Variants in PRDM5 observed in about 807,000 individuals in gnomAD.
PRDM5 encodes PR domain zinc finger protein 5.
In PRDM5, 56 loss-of-function variants were observed where a neutral mutation model predicts 81.2. That is an observed-to-expected ratio of 0.69 (90% CI 0.56 to 0.86). The LOEUF is 0.86. Ranked by LOEUF, PRDM5 falls within the 40% of genes least tolerant of loss-of-function variation. PRDM5 has a pLI of 0.00. For missense variants in PRDM5, 697 were observed against 770.1 expected (o/e 0.91, Z 1.12); for synonymous variants, 267 against 256.4 (o/e 1.04, Z -0.39).
chr4:120,883,605 A>G (rs867387618), intron 2 of PRDM5, among the ~76,000 whole-genome samples: 62 of 134,660 alleles, frequency 4.6e-4, no homozygotes, highest in African/African-American at 1.8e-3. Flanking sequence ...GGGGGGAGGG[A>G]TAGCATTAGG....
intron 1 of PRDM5, among the ~76,000 whole-genome samples, chr4:120,909,208 C>T (rs986206182): frequency 6.6e-6 from 1 of 152,166 alleles, no homozygotes; most frequent in African/African-American, 2.4e-5. Flanking sequence ...GTGGAGTGCT[C>T]AGGCAACATC....
chr4:120,814,920 G>A (rs921186246), intron 7 of PRDM5, among the ~76,000 whole-genome samples: 2 of 152,138 alleles, frequency 1.3e-5, no homozygotes, highest in Non-Finnish European at 2.9e-5. Flanking sequence ...TTCCTTTTAT[G>A]AATTATTTCC....
rs575483125 is a variant in PRDM5 at position 120,730,042 on chromosome 4, G to A, written c.1624-19629C>T. Reference sequence around the variant, plus strand: ...CTAAAAGATTAGTTCATTCAATACGGAACATAATACTTTAGAACATCTTGA... The same window carrying A: ...CTAAAAGATTAGTTCATTCAATACGAAACATAATACTTTAGAACATCTTGA... On this transcript the variant is annotated intron_variant, in intron 14 of 15. Transcript: ENST00000264808. Among the ~76,000 whole-genome samples the A allele has an allele frequency of 2.6e-5, 4 of 152,294 alleles. No individual in the cohort carries two copies. In the East Asian group the frequency reaches 7.7e-4, roughly 29 times the overall value.
chr4:120,834,093 A>G (rs1757055077), intron 3 of PRDM5, among the ~76,000 whole-genome samples: 1 of 152,160 alleles, frequency 6.6e-6, no homozygotes, highest in Non-Finnish European at 1.5e-5. Context: ...AAGTAGCTTC[A>G]ACACGTGGAG....
chr4:120,758,257 G>A (rs1236032612), intron 13 of PRDM5, among the ~76,000 whole-genome samples: 3 of 151,872 alleles, frequency 2.0e-5, no homozygotes, highest in African/African-American at 7.3e-5. Flanking sequence ...TTTTTTCTCT[G>A]GAGAACCCTA....
intron 11 of PRDM5, among the ~76,000 whole-genome samples, chr4:120,781,840 C>A (rs1403696643): frequency 2.0e-5 from 3 of 152,178 alleles, no homozygotes; most frequent in Non-Finnish European, 4.4e-5. Context: ...AGTTACAATG[C>A]CCCTGCTTCC....
chr4:120,880,997 C>G (rs983094433), intron 2 of PRDM5, among the ~76,000 whole-genome samples: 1 of 152,154 alleles, frequency 6.6e-6, no homozygotes, highest in Admixed American at 6.5e-5. Flanking sequence ...TCAAATTGTT[C>G]TCCTGGTTTT....
downstream of PRDM5, among the ~76,000 whole-genome samples, chr4:120,689,040 C>A (rs1378281913): frequency 6.6e-6 from 1 of 152,132 alleles, no homozygotes; most frequent in Non-Finnish European, 1.5e-5. Flanking sequence ...CTGTGGTAAA[C>A]AACAAGTCAT....
intron 2 of PRDM5, chr4:120,896,716 C>T (rs552954962): frequency 6.6e-6 from 1 of 151,932 alleles, no homozygotes; most frequent in Non-Finnish European, 1.5e-5. Flanking sequence ...TGGAATCTCG[C>T]TCTTTCACCC....
chr4:120,812,443 C>CCT (rs10628674), intron 7 of PRDM5: 59,017 of 161,350 alleles, frequency 0.37, 11,013 homozygotes, highest in African/African-American at 0.43. Context: ...TTCGTTATTC[C>CCT]GTCTTTTGGA....
At chr4:120,872,448 T>C (rs1761928497) in intron 2 of PRDM5, among the ~76,000 whole-genome samples, 1 of 152,026 alleles carries the variant, frequency 6.6e-6, no homozygotes, top group South Asian at 2.1e-4. Context: ...AAATCAGTCA[T>C]GAAAAAGGAC....
chr4:120,722,256 C>A (rs532146289), intron 14 of PRDM5, among the ~76,000 whole-genome samples: 1 of 152,244 alleles, frequency 6.6e-6, no homozygotes, highest in African/African-American at 2.4e-5. Context: ...CAGAACCTGA[C>A]CCTGGGCGTG....
In PRDM5 at chr4:120,736,451, C is replaced by T. The variant is rs751187025; in HGVS notation, c.1623+18102G>A. ...GATGCTGGTAGTGGCCAGTAACCAG[C>T]GAGAGACAAAGTAATTAGCAGGGCT... On this transcript the variant is annotated intron_variant, in intron 14 of 15. Transcript: ENST00000264808. 3.0e-4 allele frequency among the ~76,000 whole-genome samples: 45 copies of T among 152,072 alleles called. 1 individual carries two copies. Among genetic ancestry groups the T allele is most frequent in the Non-Finnish European group, 5.9e-5 (4 of 68,034 alleles).
intron 14 of PRDM5, among the ~76,000 whole-genome samples, chr4:120,752,104 T>C (rs1744089175): frequency 6.6e-6 from 1 of 152,214 alleles, no homozygotes; most frequent in African/African-American, 2.4e-5. Flanking sequence ...TGGGAAAATA[T>C]GACCTTGCAG....
intron 8 of PRDM5, among the ~76,000 whole-genome samples, chr4:120,809,029 G>GA (rs1441194377): frequency 1.3e-5 from 2 of 152,236 alleles, no homozygotes; most frequent in Non-Finnish European, 1.5e-5. Context: ...GCAGCAGTGG[G>GA]CTGAAAGGCT....
At chr4:120,839,705 C>T (rs1018198963) in intron 3 of PRDM5, among the ~76,000 whole-genome samples, 3 of 152,208 alleles carry the variant, frequency 2.0e-5, no homozygotes, top group African/African-American at 4.8e-5. Context: ...GGGGCCTCAC[C>T]GGGTACCTGC....
intron 14 of PRDM5, among the ~76,000 whole-genome samples, chr4:120,738,212 A>G (rs934439234): frequency 1.3e-5 from 2 of 152,200 alleles, no homozygotes; most frequent in Non-Finnish European, 2.9e-5. Context: ...ATCAGCCTCA[A>G]CAGCAAGAAT....
chr4:120,831,556 GAA>G (rs1260810101), intron 3 of PRDM5, among the ~76,000 whole-genome samples: 9 of 152,168 alleles, frequency 5.9e-5, no homozygotes, highest in African/African-American at 1.7e-4. Context: ...TGAATGTTTT[GAA>G]AAGTCTCAAC....
chr4:120,853,667 G>A (rs1201556280), intron 2 of PRDM5, 127 bp from the exon 3 acceptor site: 14 of 1,237,086 alleles, frequency 1.1e-5, no homozygotes, highest in Non-Finnish European at 1.2e-6. Flanking sequence ...ATAAATAGAA[G>A]TTGGACTAAC....
Sources: gnomAD v4.1 joint callset for allele counts (sites outside exome capture counted in the v4.1 genomes callset) on GRCh38, gnomAD v4.1.1 for gene constraint, MANE v1.5 for transcripts, NCBI Gene and HGNC (gene_info 2026-07-23, HGNC 2026-07-21) for gene names.